The following ZBTB7C variants were observed in gnomAD, a reference collection of about 807,000 sequenced individuals.
The protein encoded by ZBTB7C is zinc finger and BTB domain-containing protein 7C.
A neutral mutation model predicts 25.7 loss-of-function variants in ZBTB7C; 8 were observed. The ratio of observed to expected loss-of-function variants is 0.31; its 90% CI spans 0.18 to 0.56. The LOEUF (loss-of-function observed/expected upper bound fraction) is 0.56. Ranked by LOEUF, ZBTB7C falls within the 20% of genes least tolerant of loss-of-function variation. The pLI is 0.91. For missense variants in ZBTB7C, 824 were observed against 855.2 expected (o/e 0.96, Z 0.46); for synonymous variants, 394 against 369.0 (o/e 1.07, Z -0.78).
intron 3 of ZBTB7C, among the ~76,000 whole-genome samples, chr18:48,160,257 C>T (rs1164692415): frequency 1.3e-5 from 2 of 152,226 alleles, no homozygotes; most frequent in African/African-American, 4.8e-5. Flanking sequence ...TCACTTCTTC[C>T]AAAAGATGCA....
At chr18:48,356,068 CT>C (rs942254045) in intron 1 of ZBTB7C, among the ~76,000 whole-genome samples, 1 of 151,744 alleles carries the variant, frequency 6.6e-6, no homozygotes, top group Non-Finnish European at 1.5e-5. Context: ...GGCCCAGCAC[CT>C]GTTTTGGCAA....
intron 3 of ZBTB7C, among the ~76,000 whole-genome samples, chr18:48,132,460 T>C (rs1371171576): frequency 6.6e-6 from 1 of 152,200 alleles, no homozygotes; most frequent in African/African-American, 2.4e-5. Flanking sequence ...AGTATTTCCT[T>C]TGGAGTAATC....
intron 2 of ZBTB7C, among the ~76,000 whole-genome samples, chr18:48,219,689 G>A (rs551931046): frequency 1.3e-5 from 2 of 152,338 alleles, no homozygotes; most frequent in East Asian, 3.9e-4. Context: ...TGGCAAGGTG[G>A]GCAGGTGGCA....
chr18:48,223,322 C>G (rs2043006428), intron 2 of ZBTB7C, among the ~76,000 whole-genome samples: 1 of 152,136 alleles, frequency 6.6e-6, no homozygotes, highest in Non-Finnish European at 1.5e-5. Flanking sequence ...TCCCCCCATA[C>G]CCCTTATTCT....
upstream of ZBTB7C, among the ~76,000 whole-genome samples, chr18:48,410,057 G>A (rs1484494428): frequency 6.6e-6 from 1 of 152,052 alleles, no homozygotes; most frequent in Non-Finnish European, 1.5e-5. Context: ...CCGGCGCACG[G>A]CTATTTTTAC....
chr18:48,040,154 C>A lies in ZBTB7C; in HGVS notation c.954G>T (p.Pro318=), dbSNP rs779356155. 2.5e-6 allele frequency: 4 copies of A among 1,578,594 alleles called. No individual in the cohort carries two copies. The highest frequency in any genetic ancestry group is 2.7e-5 in the African/African-American group (2 of 74,060). The change falls in exon 4 of 5, where the codon CCG becomes CCT. Residue 318 remains proline, a synonymous_variant. Coordinates refer to ENST00000590800, the MANE Select transcript of ZBTB7C (RefSeq NM_001318841.2). The part of the protein sequence containing the change: ...DFFKDMFPDL[P]GGPLGPIKAE... ...CCTTGATGGGTCCCAGAGGCCCCCC[C>A]GGCAGGTCAGGGAACATGTCCTTGA...
intron 3 of ZBTB7C, among the ~76,000 whole-genome samples, chr18:48,128,271 C>T (rs970080425): frequency 6.6e-6 from 1 of 152,182 alleles, no homozygotes; most frequent in South Asian, 2.1e-4. Flanking sequence ...TCTCATGCAC[C>T]GGCCACACAA....
chr18:48,246,802 G>T (rs2043708411), intron 2 of ZBTB7C, among the ~76,000 whole-genome samples: 1 of 151,954 alleles, frequency 6.6e-6, no homozygotes, highest in South Asian at 2.1e-4. Context: ...CCCATCCCAT[G>T]CCCCCAACAA....
At chr18:48,072,235 T>C (rs545627449) in intron 3 of ZBTB7C, among the ~76,000 whole-genome samples, 70 of 152,368 alleles carry the variant, frequency 4.6e-4, no homozygotes, top group Non-Finnish European at 9.1e-4. Context: ...GACACTCTAC[T>C]TCTCTGAATT....
chr18:48,156,376 G>A (rs933668217), intron 3 of ZBTB7C, among the ~76,000 whole-genome samples: 11 of 152,154 alleles, frequency 7.2e-5, no homozygotes, highest in Non-Finnish European at 1.2e-4. Flanking sequence ...CCCACAATGC[G>A]CCCCTTTTCT....
intron 3 of ZBTB7C, chr18:48,148,381 C>G (rs368436496): frequency 6.6e-6 from 1 of 152,142 alleles, no homozygotes; most frequent in Non-Finnish European, 1.5e-5. Context: ...AATCTGTCCT[C>G]CTTATAACAG....
intron 3 of ZBTB7C, among the ~76,000 whole-genome samples, chr18:48,144,505 G>C (rs1039583715): frequency 1.3e-5 from 2 of 151,904 alleles, no homozygotes; most frequent in Admixed American, 6.6e-5. Context: ...CACCATGCCT[G>C]GCTAATTTTT....
At position 48,029,584 on chromosome 18, in the gene ZBTB7C, G is replaced by A; in HGVS notation, c.1536C>T (p.Gly512=). 2.7e-6 allele frequency: 4 copies of A among 1,485,486 alleles called. No individual in the cohort carries two copies. Among genetic ancestry groups the A allele is most frequent in the Admixed American group, 5.1e-5 (2 of 38,924 alleles). The allele number at this position is 1,485,486 out of a possible 1,614,324, so 92.0% of individuals were successfully genotyped here. Residue 512 remains glycine (G), a synonymous_variant, in exon 5 of 5, where the codon GGC becomes GGT. Coordinates refer to ENST00000590800, the MANE Select transcript of ZBTB7C (RefSeq NM_001318841.2). ...KAAFVMPPAL[G]EVGGHLGGAA... ...CGCCGCCCAGGTGGCCGCCCACCTC[G>A]CCCAGCGCAGGGGGCATCACGAAGG...
intron 3 of ZBTB7C, among the ~76,000 whole-genome samples, chr18:48,182,987 T>C (rs1599052526): frequency 6.6e-6 from 1 of 152,298 alleles, no homozygotes; most frequent in African/African-American, 2.4e-5. Context: ...ATAATTATTA[T>C]TTGCAATGAG....
At chr18:48,082,976 C>T (rs2038048139) in intron 3 of ZBTB7C, among the ~76,000 whole-genome samples, 1 of 152,136 alleles carries the variant, frequency 6.6e-6, no homozygotes, top group Non-Finnish European at 1.5e-5. Context: ...CCTCTCTGTA[C>T]CTCAGTGTTC....
chr18:48,123,162 G>C (rs551416232), intron 3 of ZBTB7C, among the ~76,000 whole-genome samples: 1 of 152,312 alleles, frequency 6.6e-6, no homozygotes, highest in East Asian at 1.9e-4. Context: ...TGATTGCTTT[G>C]TGATCACCCA....
intron 3 of ZBTB7C, among the ~76,000 whole-genome samples, chr18:48,091,491 G>T (rs1427044520): frequency 6.6e-6 from 1 of 152,074 alleles, no homozygotes; most frequent in African/African-American, 2.4e-5. Context: ...TCAGAACTTG[G>T]GGTGTTCACA....
At chr18:48,094,038 GAC>G (rs2038525118) in intron 3 of ZBTB7C, among the ~76,000 whole-genome samples, 1 of 152,148 alleles carries the variant, frequency 6.6e-6, no homozygotes, top group Non-Finnish European at 1.5e-5. Context: ...CAGCCTGGGC[GAC>G]AGAGCGAGAC....
intron 2 of ZBTB7C, among the ~76,000 whole-genome samples, chr18:48,311,699 C>T (rs1196102447): frequency 6.6e-6 from 1 of 152,172 alleles, no homozygotes; most frequent in Admixed American, 6.5e-5. Context: ...TCTTACCTGA[C>T]ACCTTGAAGG....
Sources: gnomAD v4.1 joint callset for allele counts (sites outside exome capture counted in the v4.1 genomes callset) on GRCh38, gnomAD v4.1.1 for gene constraint, MANE v1.5 for transcripts, NCBI Gene and HGNC (gene_info 2026-07-23, HGNC 2026-07-21) for gene names.